SLC8A1: variants seen among roughly 807,000 people sequenced by gnomAD.
The protein encoded by SLC8A1 is sodium/calcium exchanger 1.
Under a neutral mutation model 68.3 loss-of-function variants are expected in SLC8A1, and 18 were observed. The observed-to-expected ratio is 0.26, with a 90% CI of 0.18 to 0.39. SLC8A1 has a LOEUF of 0.39. Among genes scored for constraint, SLC8A1 ranks in the 10% least tolerant of loss-of-function variants. SLC8A1 has a pLI of 1.00. For missense variants in SLC8A1, 985 were observed against 1,156.7 expected, an observed-to-expected ratio of 0.85 and a Z score of 2.15; for synonymous variants, 475 against 415.5, an observed-to-expected ratio of 1.14 and a Z score of -1.74.
chr2:40,338,008 G>T (rs1006403625), intron 2 of SLC8A1, among the ~76,000 whole-genome samples: 5 of 152,054 alleles, frequency 3.3e-5, no homozygotes, highest in African/African-American at 1.2e-4. Context: ...ACCCAGCTCA[G>T]GAAGCAAAGG....
At chr2:40,103,405 C>T (rs1558381504) in exon 8 of SLC8A1, 1 of 152,080 alleles carries the variant, frequency 6.6e-6, no homozygotes, top group African/African-American at 2.4e-5. Context: ...TAGTCATTTA[C>T]TCCATGACAA....
intron 2 of SLC8A1, among the ~76,000 whole-genome samples, chr2:40,253,152 T>TACATATATATGTATATACAC (rs1028063972): frequency 8.1e-6 from 1 of 123,078 alleles, no homozygotes; most frequent in African/African-American, 3.6e-5. Context: ...TGTATATACA[T>TACATATATATGTATATACAC]ACATATATAT....
At chr2:40,232,617 T>C (rs1486274453) in intron 2 of SLC8A1, among the ~76,000 whole-genome samples, 1 of 148,192 alleles carries the variant, frequency 6.7e-6, no homozygotes, top group African/African-American at 2.5e-5. Context: ...TTTTTTTATA[T>C]ACTTTAAGTT....
intron 2 of SLC8A1, among the ~76,000 whole-genome samples, chr2:40,277,361 GAA>G (rs559468533): frequency 2.6e-4 from 40 of 152,146 alleles, no homozygotes; most frequent in African/African-American, 8.9e-4. Context: ...CCAACCTGGT[GAA>G]AAACCGTCTC....
intron 2 of SLC8A1, among the ~76,000 whole-genome samples, chr2:40,270,097 C>T (rs188049676): frequency 6.6e-6 from 1 of 152,160 alleles, no homozygotes; most frequent in Non-Finnish European, 1.5e-5. Context: ...GTAAGCTATG[C>T]TATCCCTGAG....
intron 2 of SLC8A1, among the ~76,000 whole-genome samples, chr2:40,263,007 A>G (rs1042514812): frequency 6.6e-5 from 10 of 152,240 alleles, no homozygotes; most frequent in African/African-American, 2.4e-4. Flanking sequence ...TTTAGCATTG[A>G]AATAACTTCA....
intron 2 of SLC8A1, among the ~76,000 whole-genome samples, chr2:40,342,782 G>A (rs927818902): frequency 3.3e-5 from 5 of 152,206 alleles, no homozygotes; most frequent in Admixed American, 2.0e-4. Flanking sequence ...CTCAGATGAC[G>A]GAGACCCAGA....
exon 8 of SLC8A1, chr2:40,102,812 TGGG>T (rs1048415623): frequency 1.3e-5 from 2 of 152,066 alleles, no homozygotes; most frequent in African/African-American, 2.4e-5. Flanking sequence ...AAATCTGAAA[TGGG>T]GGGCAAATTC....
intron 2 of SLC8A1, among the ~76,000 whole-genome samples, chr2:40,410,206 G>A (rs1243455954): frequency 1.3e-5 from 2 of 151,900 alleles, no homozygotes; most frequent in South Asian, 2.1e-4. Flanking sequence ...GTACCCCTCC[G>A]AGGGCAATGA....
intron 2 of SLC8A1, among the ~76,000 whole-genome samples, chr2:40,214,874 G>C (rs2057211185): frequency 6.6e-6 from 1 of 152,246 alleles, no homozygotes; most frequent in East Asian, 1.9e-4. Flanking sequence ...TTTGAGGGCT[G>C]TCTCATCCCA....
At chr2:40,148,048 CTGTGGTT>C (rs1403232711) in intron 6 of SLC8A1, among the ~76,000 whole-genome samples, 3 of 152,206 alleles carry the variant, frequency 2.0e-5, no homozygotes, top group Non-Finnish European at 2.9e-5. Context: ...AGAAAAATCT[CTGTGGTT>C]TGTACAGCAA....
intron 2 of SLC8A1, among the ~76,000 whole-genome samples, chr2:40,182,016 G>A (rs1032239619): frequency 2.6e-5 from 4 of 152,160 alleles, no homozygotes; most frequent in African/African-American, 7.2e-5. Flanking sequence ...AACCTTGAAT[G>A]TCCTCCAGTT....
At chr2:40,203,395 T>C (rs1036981057) in intron 2 of SLC8A1, among the ~76,000 whole-genome samples, 4 of 151,950 alleles carry the variant, frequency 2.6e-5, no homozygotes, top group African/African-American at 7.2e-5. Flanking sequence ...CCCAATAACA[T>C]TGTGCTAATA....
chr2:40,183,490 A>G (rs900095950), intron 2 of SLC8A1, among the ~76,000 whole-genome samples: 14 of 152,214 alleles, frequency 9.2e-5, no homozygotes, highest in African/African-American at 2.2e-4. Flanking sequence ...TGAGCATGCA[A>G]TGGCTCACCA....
At chr2:40,467,513 C>T (rs1400887062) in intron 1 of SLC8A1, among the ~76,000 whole-genome samples, 2 of 152,130 alleles carry the variant, frequency 1.3e-5, no homozygotes, top group African/African-American at 4.8e-5. Flanking sequence ...AAAACATTGG[C>T]AGCTGCTATT....
At chr2:40,508,705 G>A (rs1033296355) in intron 1 of SLC8A1, among the ~76,000 whole-genome samples, 17 of 152,162 alleles carry the variant, frequency 1.1e-4, no homozygotes, top group Admixed American at 2.6e-4. Flanking sequence ...ATATGCCGTC[G>A]ATAAAACTTC....
intron 2 of SLC8A1, among the ~76,000 whole-genome samples, chr2:40,419,232 G>T (rs1416544290): frequency 2.0e-5 from 3 of 152,130 alleles, no homozygotes; most frequent in Non-Finnish European, 4.4e-5. Flanking sequence ...GATTCCACCG[G>T]CTACTTCTGG....
chr2:40,175,348 A>C (rs370378068), intron 3 of SLC8A1, 67 bp from the exon 4 acceptor site: 89 of 1,507,320 alleles, frequency 5.9e-5, no homozygotes, highest in Non-Finnish European at 7.9e-5. Flanking sequence ...AGTAAGAGGA[A>C]TATCAGCAGA....
intron 2 of SLC8A1, among the ~76,000 whole-genome samples, chr2:40,209,695 G>GTGAT (rs1469465541): frequency 6.6e-6 from 1 of 152,154 alleles, no homozygotes; most frequent in Non-Finnish European, 1.5e-5. Context: ...AGAGTATAGA[G>GTGAT]TGATAGACGC....
Sources: gnomAD v4.1 joint callset for allele counts (sites outside exome capture counted in the v4.1 genomes callset) on GRCh38, gnomAD v4.1.1 for gene constraint, MANE v1.5 for transcripts, NCBI Gene and HGNC (gene_info 2026-07-23, HGNC 2026-07-21) for gene names.